The following AGBL4 variants were observed in gnomAD, a reference collection of about 807,000 sequenced individuals.
AGBL4 encodes the protein cytosolic carboxypeptidase 6.
Under a neutral mutation model 66.4 loss-of-function variants are expected in AGBL4, and 58 were observed. The ratio of observed to expected loss-of-function variants is 0.87; its 90% CI spans 0.71 to 1.09. The LOEUF is 1.09. AGBL4 is among the 50% of genes least tolerant of loss of function. AGBL4 has a pLI of 0.00. For missense variants in AGBL4, 579 were observed against 631.0 expected (o/e 0.92, Z 0.88); for synonymous variants, 234 against 222.9 (o/e 1.05, Z -0.44).
chr1:49,872,615 T>C (rs1646864771), intron 1 of AGBL4, among the ~76,000 whole-genome samples: 2 of 152,114 alleles, frequency 1.3e-5, no homozygotes, highest in Non-Finnish European at 2.9e-5. Flanking sequence ...AATCCTTGGC[T>C]GGGCTCAAGG....
intron 3 of AGBL4, among the ~76,000 whole-genome samples, chr1:49,433,978 G>GT (rs2148659989): frequency 6.6e-6 from 1 of 152,304 alleles, no homozygotes; most frequent in East Asian, 1.9e-4. Flanking sequence ...ATAAAAGTCA[G>GT]TAAGAGGAAG....
chr1:49,458,132 T>A (rs561977488), intron 3 of AGBL4, among the ~76,000 whole-genome samples: 2 of 151,822 alleles, frequency 1.3e-5, no homozygotes, highest in Admixed American at 6.6e-5. Flanking sequence ...AATTGTAGAT[T>A]GCTTTTGGCA....
At chr1:49,273,031 T>C (rs1570300415) in intron 3 of AGBL4, among the ~76,000 whole-genome samples, 1 of 152,210 alleles carries the variant, frequency 6.6e-6, no homozygotes, top group East Asian at 1.9e-4. Context: ...TATTTTCAAA[T>C]ACTTAATTTG....
chr1:49,911,838 C>A (rs540798877), intron 1 of AGBL4, among the ~76,000 whole-genome samples: 4 of 152,190 alleles, frequency 2.6e-5, no homozygotes, highest in African/African-American at 4.8e-5. Context: ...AAAAGGCTCA[C>A]CTACCCCCTT....
the AGBL4 span, among the ~76,000 whole-genome samples, chr1:48,527,494 C>T: frequency 2.1e-4 from 32 of 151,322 alleles, no homozygotes; most frequent in South Asian, 6.3e-4. Flanking sequence ...CTACTCAGGA[C>T]GCTGAGGCAG....
At chr1:49,126,760 A>G (rs368805053) in intron 4 of AGBL4, among the ~76,000 whole-genome samples, 1 of 152,028 alleles carries the variant, frequency 6.6e-6, no homozygotes, top group Admixed American at 6.6e-5. Flanking sequence ...ATTGTAAATG[A>G]TTTTCCTAAG....
chr1:49,767,396 AT>A (rs1462916793), intron 2 of AGBL4, among the ~76,000 whole-genome samples: 4 of 152,098 alleles, frequency 2.6e-5, no homozygotes, highest in Non-Finnish European at 4.4e-5. Flanking sequence ...AATAAAAAAA[AT>A]TATGTGAAAT....
At chr1:49,682,046 T>A (rs1375134385) in intron 3 of AGBL4, among the ~76,000 whole-genome samples, 1 of 152,186 alleles carries the variant, frequency 6.6e-6, no homozygotes, top group Non-Finnish European at 1.5e-5. Context: ...TTTAAAAAAA[T>A]AAATCTGGAA....
chr1:49,536,238 G>A (rs1302730725), intron 3 of AGBL4, among the ~76,000 whole-genome samples: 4 of 152,078 alleles, frequency 2.6e-5, no homozygotes, highest in African/African-American at 9.7e-5. Flanking sequence ...AAAGAGTTGT[G>A]GTGATGTCTT....
chr1:49,799,135 C>T (rs1175097316), intron 2 of AGBL4, among the ~76,000 whole-genome samples: 1 of 152,046 alleles, frequency 6.6e-6, no homozygotes, highest in Non-Finnish European at 1.5e-5. Context: ...GCATTGCAAA[C>T]GTCTCGCTGA....
intron 6 of AGBL4, among the ~76,000 whole-genome samples, chr1:48,723,989 G>T (rs748422624): frequency 6.6e-6 from 1 of 152,220 alleles, no homozygotes; most frequent in Non-Finnish European, 1.5e-5. Flanking sequence ...ATGCACGGGG[G>T]AAAGCCCCCA....
intron 2 of AGBL4, among the ~76,000 whole-genome samples, chr1:49,827,097 A>T (rs1283346400): frequency 6.6e-6 from 1 of 152,284 alleles, no homozygotes; most frequent in East Asian, 1.9e-4. Flanking sequence ...ATACAGGTAG[A>T]GTATGAATTC....
intron 2 of AGBL4, among the ~76,000 whole-genome samples, chr1:49,701,064 A>T (rs928616234): frequency 6.6e-6 from 1 of 152,172 alleles, no homozygotes; most frequent in East Asian, 1.9e-4. Flanking sequence ...TATTAATATC[A>T]AAATAATAAA....
At chr1:48,979,178 T>C (rs1659560353) in intron 5 of AGBL4, among the ~76,000 whole-genome samples, 2 of 152,206 alleles carry the variant, frequency 1.3e-5, no homozygotes, top group South Asian at 4.1e-4. Context: ...TGTATAAATA[T>C]GCACTTAACT....
chr1:49,932,148 G>A (rs1557591642), intron 1 of AGBL4, among the ~76,000 whole-genome samples: 1 of 152,090 alleles, frequency 6.6e-6, no homozygotes, highest in Non-Finnish European at 1.5e-5. Flanking sequence ...CTGGCATCAA[G>A]ATAGGAAAAT....
intron 3 of AGBL4, among the ~76,000 whole-genome samples, chr1:49,487,968 A>G (rs932048050): frequency 3.3e-5 from 5 of 151,894 alleles, no homozygotes; most frequent in African/African-American, 1.2e-4. Flanking sequence ...ACATTAGATT[A>G]TTTGTGTTTT....
intron 1 of AGBL4, among the ~76,000 whole-genome samples, chr1:49,938,834 G>A (rs865931348): frequency 3.3e-5 from 5 of 151,918 alleles, no homozygotes; most frequent in Middle Eastern, 3.4e-3. Context: ...TCAACATAGT[G>A]TTGGAAGTTC....
chr1:49,214,401 A>T (rs1328244668), intron 4 of AGBL4, among the ~76,000 whole-genome samples: 2 of 152,134 alleles, frequency 1.3e-5, no homozygotes, highest in Non-Finnish European at 2.9e-5. Context: ...GTCTGAGGCT[A>T]AATAAAAGCA....
At chr1:48,869,972 TC>T in intron 5 of AGBL4, among the ~76,000 whole-genome samples, 1 of 152,126 alleles carries the variant, frequency 6.6e-6, no homozygotes, top group Admixed American at 6.5e-5. Flanking sequence ...ACTGAACTAG[TC>T]CCCAAATCCA....
Sources: gnomAD v4.1 joint callset for allele counts (sites outside exome capture counted in the v4.1 genomes callset) on GRCh38, gnomAD v4.1.1 for gene constraint, MANE v1.5 for transcripts, NCBI Gene and HGNC (gene_info 2026-07-23, HGNC 2026-07-21) for gene names.